Variants in FBXW8 observed in about 807,000 individuals in gnomAD.
The protein encoded by FBXW8 is F-box and WD repeat domain containing 8, also known as F-box/WD repeat-containing protein 8.
FBXW8 carries 57 observed loss-of-function variants against 65.3 expected under a neutral mutation model. The ratio of observed to expected loss-of-function variants is 0.87; its 90% CI spans 0.71 to 1.09. The LOEUF is 1.09. FBXW8 is among the 50% of genes least tolerant of loss of function. The pLI, the probability that FBXW8 is intolerant of heterozygous loss-of-function variation, is 0.00. For synonymous variants in FBXW8, 308 were observed against 330.2 expected, an observed-to-expected ratio of 0.93 and a Z score of 0.73; for missense variants, 777 against 814.8, an observed-to-expected ratio of 0.95 and a Z score of 0.57.
chr12:116,984,979 G>A (rs895239689), intron 5 of FBXW8, among the ~76,000 whole-genome samples: 1 of 152,064 alleles, frequency 6.6e-6, no homozygotes, highest in African/African-American at 2.4e-5. Flanking sequence ...GAAGAGTGAG[G>A]CACTGTTTCT....
At position 117,027,613 on chromosome 12, in the gene FBXW8, AG is replaced by A. The variant is rs1472000134; in HGVS notation, c.1652+112del. On this transcript the variant is annotated intron_variant, in intron 10 of 10. Transcript: ENST00000652555. Reference sequence around the variant, plus strand: ...CACCCTATGGGCTATACCCTCAGGCAGGGCCCTGCCTTTCTGCGAATTGGAA... The same window carrying A: ...CACCCTATGGGCTATACCCTCAGGCAGGCCCTGCCTTTCTGCGAATTGGAA... 4 of 848,984 alleles carry A rather than the reference AG, an allele frequency of 4.7e-6. No individual in the cohort carries two copies. The African/African-American group carries it at 6.9e-5, about 15-fold the overall frequency. The allele number at this position is 848,984 out of a possible 1,614,324, so 52.6% of individuals were successfully genotyped here. A position where few individuals can be genotyped will look rare whatever the true frequency, so the allele number is the denominator to read the frequency against.
chr12:116,963,863 C>T (rs1239511266), intron 4 of FBXW8, among the ~76,000 whole-genome samples: 1 of 152,168 alleles, frequency 6.6e-6, no homozygotes, highest in East Asian at 1.9e-4. Context: ...CTTTTCCCCC[C>T]ATAACACTCA....
intron 2 of FBXW8, among the ~76,000 whole-genome samples, chr12:116,939,544 A>G (rs895588889): frequency 3.3e-5 from 5 of 152,242 alleles, no homozygotes; most frequent in Non-Finnish European, 5.9e-5. Context: ...TGGTCCATGT[A>G]ATTAAAGAAT....
At chr12:116,914,131 G>A (rs1880212377) in intron 1 of FBXW8, among the ~76,000 whole-genome samples, 1 of 152,122 alleles carries the variant, frequency 6.6e-6, no homozygotes, top group Non-Finnish European at 1.5e-5. Flanking sequence ...AATTTAGCTA[G>A]GTGTGGTGGT....
chr12:117,025,203 C>T (rs1954195333), intron 9 of FBXW8, among the ~76,000 whole-genome samples: 2 of 152,200 alleles, frequency 1.3e-5, no homozygotes, highest in Admixed American at 6.5e-5. Flanking sequence ...AAGAGACATT[C>T]GGCCAGACAC....
chr12:116,958,376 T>C (rs1268702515), intron 4 of FBXW8, among the ~76,000 whole-genome samples: 1 of 152,286 alleles, frequency 6.6e-6, no homozygotes, highest in African/African-American at 2.4e-5. Context: ...AGCAAGTGAA[T>C]AGTTCTTCAA....
At chr12:116,912,330 C>T (rs1451345007) in intron 1 of FBXW8, among the ~76,000 whole-genome samples, 2 of 151,870 alleles carry the variant, frequency 1.3e-5, no homozygotes, top group Admixed American at 6.6e-5. Flanking sequence ...TGGGACTACA[C>T]GCATGCGCCA....
At chr12:116,959,950 C>T (rs1883879642) in intron 4 of FBXW8, among the ~76,000 whole-genome samples, 1 of 152,146 alleles carries the variant, frequency 6.6e-6, no homozygotes, top group South Asian at 2.1e-4. Flanking sequence ...CTTACATCAG[C>T]TAGTATATTA....
At chr12:116,932,901 T>C (rs1881883234) in intron 2 of FBXW8, among the ~76,000 whole-genome samples, 1 of 152,234 alleles carries the variant, frequency 6.6e-6, no homozygotes, top group East Asian at 1.9e-4. Context: ...TGAAAGAATT[T>C]TCAATATTCT....
intron 7 of FBXW8, among the ~76,000 whole-genome samples, chr12:117,007,815 AAGAG>A (rs896528469): frequency 1.3e-5 from 2 of 152,108 alleles, no homozygotes; most frequent in Admixed American, 6.5e-5. Flanking sequence ...ACCTTATTAA[AAGAG>A]AGAGAGTGCG....
At chr12:116,998,672 C>G (rs976480324) in intron 7 of FBXW8, among the ~76,000 whole-genome samples, 1 of 152,006 alleles carries the variant, frequency 6.6e-6, no homozygotes, top group African/African-American at 2.4e-5. Context: ...AGCTCGTTCT[C>G]CAGTTCATGG....
In FBXW8 at chr12:117,027,467, C is replaced by G; in HGVS notation, c.1615C>G (p.Arg539Gly). The G allele has an allele frequency of 1.2e-6, 2 of 1,614,124 alleles. No individual in the cohort carries two copies. Among genetic ancestry groups the G allele is most frequent in the Non-Finnish European group, 1.7e-6 (2 of 1,180,020 alleles). The stretch of plus-strand genomic sequence containing the variant: ...CAACGTGCCTTACCAGACGGTAATG[C>G]GAAACGCCGACCTGGACAGCTTCAC... ...TANVPYQTVM[R>G]NADLDSFTTH... The change falls in exon 10 of 11, where the codon CGA (arginine) becomes GGA (glycine). Residue 539 changes from arginine (R) to glycine (G), a missense_variant. Coordinates refer to ENST00000652555, the MANE Select transcript of FBXW8 (RefSeq NM_153348.3).
intron 4 of FBXW8, among the ~76,000 whole-genome samples, chr12:116,955,041 G>GT (rs900645024): frequency 2.0e-5 from 3 of 151,202 alleles, no homozygotes; most frequent in Non-Finnish European, 4.4e-5. Context: ...TGAAATGGGG[G>GT]GGGGGGGCCC....
At chr12:116,911,617 A>G (rs2137276105) in intron 1 of FBXW8, among the ~76,000 whole-genome samples, 1 of 152,254 alleles carries the variant, frequency 6.6e-6, no homozygotes, top group South Asian at 2.1e-4. Context: ...TGTGCATGTT[A>G]CTGGGCATCT....
chr12:116,966,309 A>G (rs982030600), intron 5 of FBXW8, among the ~76,000 whole-genome samples: 1 of 152,174 alleles, frequency 6.6e-6, no homozygotes, highest in African/African-American at 2.4e-5. Flanking sequence ...CAAAGATTGC[A>G]GTACTTTTAA....
chr12:116,915,522 T>TC (rs1415379891), intron 1 of FBXW8, among the ~76,000 whole-genome samples: 1 of 150,436 alleles, frequency 6.6e-6, no homozygotes, highest in Non-Finnish European at 1.5e-5. Context: ...CAGAACCACC[T>TC]CCCCTGCCCT....
chr12:116,923,434 A>C (rs1177795125), intron 1 of FBXW8, among the ~76,000 whole-genome samples: 1 of 152,210 alleles, frequency 6.6e-6, no homozygotes, highest in African/African-American at 2.4e-5. Context: ...AAGGAATACT[A>C]ATATTTTGAA....
intron 8 of FBXW8, among the ~76,000 whole-genome samples, chr12:117,022,728 C>T (rs1031867128): frequency 6.6e-5 from 10 of 152,156 alleles, no homozygotes; most frequent in African/African-American, 1.7e-4. Context: ...CAGGTCTGAC[C>T]GAACACTGAG....
chr12:117,013,623 A>T (rs1374099430), intron 8 of FBXW8, among the ~76,000 whole-genome samples: 2 of 152,208 alleles, frequency 1.3e-5, no homozygotes, highest in Non-Finnish European at 2.9e-5. Flanking sequence ...ATTAAAAAAA[A>T]ATTTTTCACA....
Sources: allele counts gnomAD v4.1 joint callset (sites outside exome capture counted in the v4.1 genomes callset), GRCh38; gene constraint gnomAD v4.1.1; transcripts MANE v1.5; gene names NCBI Gene and HGNC (gene_info 2026-07-23, HGNC 2026-07-21).